CDH23: variants seen among roughly 807,000 people sequenced by gnomAD.
The protein encoded by CDH23 is cadherin-23.
CDH23 carries 189 observed loss-of-function variants against 317.1 expected under a neutral mutation model. That is an observed-to-expected ratio of 0.60 (90% confidence interval 0.53 to 0.67). CDH23 has a LOEUF of 0.67. Among genes scored for constraint, CDH23 ranks in the 30% least tolerant of loss-of-function variants. CDH23 has a pLI of 0.00. For missense variants in CDH23, 4,401 were observed against 4,592.4 expected (o/e 0.96, Z 1.20); for synonymous variants, 1,839 against 1,876.8 (o/e 0.98, Z 0.52).
chr10:71,509,555 A>G (rs186203339), intron 3 of CDH23, among the ~76,000 whole-genome samples: 1 of 152,038 alleles, frequency 6.6e-6, no homozygotes, highest in Non-Finnish European at 1.5e-5. Flanking sequence ...CCAATGAGCA[A>G]CTCCCATGAA....
chr10:71,403,207 T>G (rs1018608012), intron 1 of CDH23, among the ~76,000 whole-genome samples: 2 of 152,106 alleles, frequency 1.3e-5, no homozygotes, highest in African/African-American at 4.8e-5. Context: ...GCATTGCTGA[T>G]TAGAACTGGC....
intron 2 of CDH23, among the ~76,000 whole-genome samples, chr10:71,444,563 C>T (rs899152742): frequency 2.0e-5 from 3 of 152,254 alleles, no homozygotes; most frequent in South Asian, 2.1e-4. Context: ...GCAGAAGGGC[C>T]ATCGGTCCTG....
At chr10:71,399,566 A>T (rs1847689384) in intron 1 of CDH23, among the ~76,000 whole-genome samples, 1 of 152,112 alleles carries the variant, frequency 6.6e-6, no homozygotes, top group Admixed American at 6.5e-5. Flanking sequence ...AGGGTTTTTT[A>T]AATAGATTAG....
chr10:71,653,552 T>G (rs762477101), intron 14 of CDH23, among the ~76,000 whole-genome samples: 8 of 152,236 alleles, frequency 5.3e-5, no homozygotes, highest in South Asian at 4.1e-4. Context: ...GTCTTGGTGC[T>G]CCCTGGGGCA....
chr10:71,738,266 A>T (rs1238121860), intron 34 of CDH23, among the ~76,000 whole-genome samples: 1 of 151,978 alleles, frequency 6.6e-6, no homozygotes, highest in Non-Finnish European at 1.5e-5. Context: ...TTGCCCTCCT[A>T]GCCAAGATTT....
chr10:71,737,927 C>T (rs768159169), intron 34 of CDH23: 3 of 412,144 alleles, frequency 7.3e-6, no homozygotes, highest in Admixed American at 5.0e-5. Flanking sequence ...CCCTTCTACC[C>T]ACTGGAACCA....
Position 71,790,290 on chromosome 10 carries a change from A to AC in CDH23, c.5930dup (p.Leu1978SerfsTer34). On this transcript the variant is annotated frameshift_variant, in exon 46 of 70. Transcript: ENST00000224721. LOFTEE classifies it high-confidence loss of function. ...TGACCCCTCTCCTTCTGGCCCAGGCACCCCTCTCACGGTGCTCAATGGGCC... is the reference window on the plus strand; with the variant it reads ...TGACCCCTCTCCTTCTGGCCCAGGCACCCCCTCTCACGGTGCTCAATGGGCC... 7 of 1,613,498 alleles carry AC rather than the reference A, an allele frequency of 4.3e-6. No homozygotes were observed. The highest frequency in any genetic ancestry group is 5.1e-6 in the Non-Finnish European group (6 of 1,179,768).
intron 11 of CDH23, among the ~76,000 whole-genome samples, chr10:71,639,239 T>C (rs1862419355): frequency 6.6e-6 from 1 of 152,178 alleles, no homozygotes; most frequent in African/African-American, 2.4e-5. Flanking sequence ...CTAGGGCTCC[T>C]TTTGATGTTT....
Position 71,778,248 on chromosome 10 carries a change from G to T in CDH23, c.5127G>T (p.Leu1709=). 1 of 1,613,842 alleles carries T rather than the reference G, an allele frequency of 6.2e-7. No homozygotes were observed. Among genetic ancestry groups the T allele is most frequent in the Non-Finnish European group, 8.5e-7 (1 of 1,179,834 alleles). The change falls in exon 40 of 70, where the codon CTG becomes CTT. Residue 1709 remains leucine, a synonymous_variant. Transcript: ENST00000224721. ...DYEISHGRYT[L]IVTATDQCPI... Reference sequence around the variant, plus strand: ...AGATCAGCCACGGCCGCTACACCCTGATCGTCACTGCCACAGACCAGTGCC... The same window carrying T: ...AGATCAGCCACGGCCGCTACACCCTTATCGTCACTGCCACAGACCAGTGCC...
At chr10:71,669,049 C>T (rs1236039060) in intron 14 of CDH23, among the ~76,000 whole-genome samples, 3 of 152,188 alleles carry the variant, frequency 2.0e-5, no homozygotes, top group Non-Finnish European at 4.4e-5. Flanking sequence ...TCGGCTGCAC[C>T]CTCTCCCCCA....
chr10:71,719,100 A>T (rs1866430259), intron 28 of CDH23, among the ~76,000 whole-genome samples: 1 of 152,238 alleles, frequency 6.6e-6, no homozygotes, highest in South Asian at 2.1e-4. Flanking sequence ...AATAAAAAAA[A>T]AATAAGTGGA....
chr10:71,599,207 T>A (rs1366279875), intron 9 of CDH23, among the ~76,000 whole-genome samples: 1 of 152,228 alleles, frequency 6.6e-6, no homozygotes, highest in African/African-American at 2.4e-5. Flanking sequence ...TCTTTTTTGC[T>A]CTTCTTTTTG....
At position 71,732,141 on chromosome 10, in the gene CDH23, G is replaced by A. The variant is rs756552221; in HGVS notation, c.3870G>A (p.Pro1290=). The A allele has an allele frequency of 6.2e-6, 10 of 1,613,896 alleles. No homozygotes were observed. Among genetic ancestry groups the A allele is most frequent in the African/African-American group, 2.7e-5 (2 of 74,930 alleles). The change falls in exon 32 of 70, where the codon CCG becomes CCA. Residue 1290 remains proline (P), a synonymous_variant. Coordinates refer to ENST00000224721, the MANE Select transcript of CDH23 (RefSeq NM_022124.6). ...ATGTGTCGGCCACTGACCAGGCCCC[G>A]CCCTTCAACCAGGGCTTCTGCAGCG... ...MMNVSATDQA[P]PFNQGFCSVY...
chr10:71,724,118 G>T lies in CDH23; in HGVS notation c.3430+13G>T. On this transcript the variant is annotated intron_variant, in intron 29 of 69. Coordinates refer to ENST00000224721, the MANE Select transcript of CDH23 (RefSeq NM_022124.6). The stretch of plus-strand genomic sequence containing the variant: ...CGCATCCTCCATGGTAAGTGGGGCT[G>T]CCCTAGGATGGGGGGCGGTCCTCCT... The T allele has an allele frequency of 6.4e-7, 1 of 1,554,406 alleles. No individual in the cohort carries two copies. Among genetic ancestry groups the T allele is most frequent in the Non-Finnish European group, 8.7e-7 (1 of 1,148,486 alleles).
At chr10:71,595,886 G>C (rs758183239) in intron 9 of CDH23, among the ~76,000 whole-genome samples, 1 of 152,164 alleles carries the variant, frequency 6.6e-6, no homozygotes, top group Non-Finnish European at 1.5e-5. Flanking sequence ...TTCAAGCCCA[G>C]AGGTGACCAC....
intron 17 of CDH23, among the ~76,000 whole-genome samples, chr10:71,680,829 C>CTTTTTTTTTTTTTTTTTTTTT (rs1312991062): frequency 3.0e-4 from 21 of 70,136 alleles, no homozygotes; most frequent in South Asian, 7.8e-4. Flanking sequence ...TTTTCTTTTT[C>CTTTTTTTTTTTTTTTTTTTTT]TTTTTTTTTT....
chr10:71,513,583 G>A (rs1190280651), intron 6 of CDH23, among the ~76,000 whole-genome samples: 1 of 152,200 alleles, frequency 6.6e-6, no homozygotes, highest in African/African-American at 2.4e-5. Flanking sequence ...GTCTGCCAGG[G>A]TGATCAGAGA....
chr10:71,773,474 C>G (rs368368184), intron 38 of CDH23: 4 of 1,561,914 alleles, frequency 2.6e-6, no homozygotes, highest in Non-Finnish European at 2.6e-6. Context: ...CTTCTGGTGC[C>G]GGGGAGCGGG....
rs1002742554 is a variant in CDH23 at position 71,815,703 on chromosome 10, C to T, written c.*425C>T. The T allele has an allele frequency of 6.1e-6, 1 of 163,434 alleles. No individual in the cohort carries two copies. Among genetic ancestry groups the T allele is most frequent in the Non-Finnish European group, 1.3e-5 (1 of 75,404 alleles). 10.1% of individuals were successfully genotyped at this position (163,434 alleles called of 1,614,324 possible). On this transcript the variant is annotated 3_prime_UTR_variant, in exon 70 of 70. Coordinates refer to ENST00000224721, the MANE Select transcript of CDH23 (RefSeq NM_022124.6). ...CCCAGCGCGGACATCCCCTGCTGGC[C>T]GGACACCCGACTCCAGTCCAAGTCT...
Sources: allele counts gnomAD v4.1 joint callset (sites outside exome capture counted in the v4.1 genomes callset), GRCh38; gene constraint gnomAD v4.1.1; transcripts MANE v1.5; gene names NCBI Gene and HGNC (gene_info 2026-07-23, HGNC 2026-07-21).